OLFM3: variants seen among roughly 807,000 people sequenced by gnomAD.
OLFM3 encodes olfactomedin 3, also known as noelin-3.
OLFM3 carries 20 observed loss-of-function variants against 48.6 expected under a neutral mutation model. The observed-to-expected ratio is 0.41, with a 90% CI of 0.29 to 0.60. OLFM3 has a LOEUF of 0.60. Ranked by LOEUF, OLFM3 falls within the 20% of genes least tolerant of loss-of-function variation. The probability of loss-of-function intolerance (pLI) is 0.28; values close to 1 mark genes in which losing one functional copy is unlikely to be tolerated. For missense variants in OLFM3, 437 were observed against 544.3 expected (o/e 0.80, Z 1.96); for synonymous variants, 222 against 198.1 (o/e 1.12, Z -1.01).
intron 1 of OLFM3, among the ~76,000 whole-genome samples, chr1:101,973,681 G>T (rs1660871600): frequency 1.3e-5 from 2 of 152,050 alleles, no homozygotes; most frequent in African/African-American, 4.8e-5. Context: ...TAGAACAATT[G>T]GTCTTCCAGG....
At chr1:101,988,181 A>G (rs1661304724) in intron 1 of OLFM3, among the ~76,000 whole-genome samples, 1 of 152,148 alleles carries the variant, frequency 6.6e-6, no homozygotes, top group Non-Finnish European at 1.5e-5. Flanking sequence ...TAGGTAATAT[A>G]TGAATTTATC....
chr1:101,931,182 C>T (rs973078018), intron 1 of OLFM3, among the ~76,000 whole-genome samples: 5 of 152,210 alleles, frequency 3.3e-5, no homozygotes, highest in African/African-American at 1.2e-4. Flanking sequence ...AATAAGCTCT[C>T]ATGACCTCAC....
At chr1:101,987,369 C>T (rs1007398912) in intron 1 of OLFM3, among the ~76,000 whole-genome samples, 5 of 152,122 alleles carry the variant, frequency 3.3e-5, no homozygotes, top group Non-Finnish European at 7.4e-5. Context: ...TAGTACCCAA[C>T]TTATAAAGAG....
intron 1 of OLFM3, among the ~76,000 whole-genome samples, chr1:101,914,169 A>T (rs189032473): frequency 6.6e-6 from 1 of 152,308 alleles, no homozygotes; most frequent in Admixed American, 6.5e-5. Flanking sequence ...GTGAACTAAT[A>T]TCTAACAGTT....
intron 1 of OLFM3, among the ~76,000 whole-genome samples, chr1:101,911,025 G>A (rs1004043892): frequency 1.3e-5 from 2 of 152,004 alleles, no homozygotes; most frequent in East Asian, 1.9e-4. Context: ...AAAGGAAAAC[G>A]GCACAATGGC....
chr1:101,836,660 G>C (rs1655427177), intron 2 of OLFM3, among the ~76,000 whole-genome samples: 1 of 151,290 alleles, frequency 6.6e-6, no homozygotes, highest in South Asian at 2.1e-4. Context: ...CCAGTCTTAA[G>C]GTGGCAAGGT....
chr1:101,840,812 A>G (rs1323590385), intron 1 of OLFM3, among the ~76,000 whole-genome samples: 1 of 152,208 alleles, frequency 6.6e-6, no homozygotes, highest in Non-Finnish European at 1.5e-5. Context: ...TAACCTTGGT[A>G]GCATTTTCTG....
intron 1 of OLFM3, chr1:101,847,138 G>T: frequency 2.3e-6 from 2 of 869,016 alleles, no homozygotes; most frequent in Non-Finnish European, 2.8e-6. Flanking sequence ...CCCCATCCTC[G>T]TGGGAAGTGC....
At chr1:101,934,059 A>G (rs544175584) in intron 1 of OLFM3, among the ~76,000 whole-genome samples, 1 of 152,320 alleles carries the variant, frequency 6.6e-6, no homozygotes, top group African/African-American at 2.4e-5. Context: ...TCATACAATC[A>G]TGTCTGCATA....
intron 1 of OLFM3, among the ~76,000 whole-genome samples, chr1:101,888,906 C>G (rs989989413): frequency 6.6e-6 from 1 of 152,184 alleles, no homozygotes; most frequent in African/African-American, 2.4e-5. Context: ...AAAAAATGCT[C>G]ATCATCACTG....
chr1:101,972,237 T>C (rs1660824543), intron 1 of OLFM3, among the ~76,000 whole-genome samples: 1 of 152,240 alleles, frequency 6.6e-6, no homozygotes, highest in South Asian at 2.1e-4. Flanking sequence ...GGGAATAGTC[T>C]TGTGATATTT....
chr1:101,993,911 A>G (rs967166582), intron 1 of OLFM3, among the ~76,000 whole-genome samples: 2 of 151,324 alleles, frequency 1.3e-5, no homozygotes, highest in Non-Finnish European at 1.5e-5. Context: ...ATACTTAAGC[A>G]CTTTATAAAA....
intron 1 of OLFM3, among the ~76,000 whole-genome samples, chr1:101,931,764 T>C (rs943985831): frequency 6.6e-6 from 1 of 152,300 alleles, no homozygotes; most frequent in South Asian, 2.1e-4. Flanking sequence ...CATCTCCTAA[T>C]AATAACTGGC....
At chr1:101,823,121 G>GC (rs1429988293) in intron 4 of OLFM3, among the ~76,000 whole-genome samples, 2 of 151,904 alleles carry the variant, frequency 1.3e-5, no homozygotes, top group African/African-American at 2.4e-5. Flanking sequence ...ACTTTTCTTT[G>GC]CCAGGTAGTT....
chr1:101,881,694 A>G (rs1175382782), intron 1 of OLFM3, among the ~76,000 whole-genome samples: 3 of 151,850 alleles, frequency 2.0e-5, no homozygotes, highest in Non-Finnish European at 4.4e-5. Flanking sequence ...TGCACAGACT[A>G]TACAGTGAGT....
chr1:101,886,267 GA>G (rs66708360), intron 1 of OLFM3, among the ~76,000 whole-genome samples: 42,337 of 149,322 alleles, frequency 0.28, 6,152 homozygotes, highest in East Asian at 0.36. Flanking sequence ...ACATGGTATG[GA>G]AAAAAAAAAT....
At chr1:101,880,014 C>T (rs1451680948) in intron 1 of OLFM3, among the ~76,000 whole-genome samples, 2 of 151,812 alleles carry the variant, frequency 1.3e-5, no homozygotes, top group Non-Finnish European at 2.9e-5. Flanking sequence ...ATTAGAAAGC[C>T]CATCTGTTTT....
chr1:101,982,710 A>C (rs577749719), intron 1 of OLFM3, among the ~76,000 whole-genome samples: 6 of 152,284 alleles, frequency 3.9e-5, no homozygotes, highest in Admixed American at 2.0e-4. Flanking sequence ...GAGCTTGGCT[A>C]TCCCTTTTTT....
At chr1:101,977,591 T>A (rs1177796411) in intron 1 of OLFM3, among the ~76,000 whole-genome samples, 3 of 152,138 alleles carry the variant, frequency 2.0e-5, no homozygotes, top group Admixed American at 6.5e-5. Context: ...GAATTTTTAA[T>A]ACCAGAAGTG....
Sources: allele counts gnomAD v4.1 joint callset (sites outside exome capture counted in the v4.1 genomes callset), GRCh38; gene constraint gnomAD v4.1.1; transcripts MANE v1.5; gene names NCBI Gene and HGNC (gene_info 2026-07-23, HGNC 2026-07-21).